CCDC3: variants seen among roughly 807,000 people sequenced by gnomAD.
The protein encoded by CCDC3 is coiled-coil domain-containing protein 3.
Under a neutral mutation model 21.4 loss-of-function variants are expected in CCDC3, and 24 were observed. The ratio of observed to expected loss-of-function variants is 1.12; its 90% CI spans 0.81 to 1.58. The LOEUF is 1.58. Among genes scored for constraint, CCDC3 ranks in the 40% most tolerant of loss-of-function variants. The probability of loss-of-function intolerance (pLI) is 0.00; values close to 1 mark genes in which losing one functional copy is unlikely to be tolerated. For missense variants in CCDC3, 425 were observed against 360.9 expected, an observed-to-expected ratio of 1.18 and a Z score of -1.44; for synonymous variants, 186 against 166.0, an observed-to-expected ratio of 1.12 and a Z score of -0.93.
At chr10:12,971,988 G>C (rs1031041493) in intron 2 of CCDC3, among the ~76,000 whole-genome samples, 11 of 151,862 alleles carry the variant, frequency 7.2e-5, no homozygotes, top group Non-Finnish European at 1.3e-4. Context: ...TGCCCAGCCC[G>C]AAGTTTTTGT....
At position 13,045,135 on chromosome 10, in the gene CCDC3, A is replaced by G. The variant is rs540522613; in HGVS notation, c.-2+4539T>C. On this transcript the variant is annotated intron_variant, in intron 5 of 6. Transcript: ENST00000378839. ...TGTATTTCCATTCTACTTTCCCTACATTATATTATGTTAATGTGATATATT... is the reference window on the plus strand; with the variant it reads ...TGTATTTCCATTCTACTTTCCCTACGTTATATTATGTTAATGTGATATATT... 6.9e-4 allele frequency among the ~76,000 whole-genome samples: 105 copies of G among 152,294 alleles called. 1 individual carries two copies. The highest frequency in any genetic ancestry group is 2.2e-3 in the African/African-American group (93 of 41,560).
intron 2 of CCDC3, among the ~76,000 whole-genome samples, chr10:12,946,399 T>A (rs537078096): frequency 1.3e-5 from 2 of 152,234 alleles, no homozygotes; most frequent in Non-Finnish European, 2.9e-5. Flanking sequence ...TTTATTAGTA[T>A]GTAAACAAAC....
intron 4 of CCDC3, among the ~76,000 whole-genome samples, chr10:13,070,244 C>T (rs1056973854): frequency 6.6e-6 from 1 of 152,196 alleles, no homozygotes; most frequent in East Asian, 1.9e-4. Flanking sequence ...ATATTTGTCT[C>T]TGTCTCTCTG....
chr10:12,972,175 C>T (rs1835353357), intron 2 of CCDC3, among the ~76,000 whole-genome samples: 1 of 152,122 alleles, frequency 6.6e-6, no homozygotes, highest in South Asian at 2.1e-4. Flanking sequence ...CACGCACCCA[C>T]ACATGCCCTT....
intron 2 of CCDC3, among the ~76,000 whole-genome samples, chr10:12,984,135 G>C (rs1835550925): frequency 6.6e-6 from 1 of 152,138 alleles, no homozygotes; most frequent in African/African-American, 2.4e-5. Flanking sequence ...CACAATGGGA[G>C]AAAATGTGTA....
At chr10:12,942,615 C>T (rs1834850338) in intron 2 of CCDC3, among the ~76,000 whole-genome samples, 1 of 152,196 alleles carries the variant, frequency 6.6e-6, no homozygotes, top group Admixed American at 6.5e-5. Context: ...CAACATGGCA[C>T]CGGCCAGGTA....
intron 3 of CCDC3, among the ~76,000 whole-genome samples, chr10:13,094,566 T>A (rs1832610661): frequency 6.6e-6 from 1 of 152,010 alleles, no homozygotes; most frequent in African/African-American, 2.4e-5. Flanking sequence ...ATTTCAAGAT[T>A]TTTAAACATG....
chr10:13,067,932 G>C (rs1299757598), intron 4 of CCDC3, among the ~76,000 whole-genome samples: 5 of 152,088 alleles, frequency 3.3e-5, no homozygotes, highest in Non-Finnish European at 7.4e-5. Flanking sequence ...TTGTTTGTTT[G>C]TTTGTTTTCT....
chr10:13,018,102 AAAT>A (rs1425992461), intron 5 of CCDC3, among the ~76,000 whole-genome samples: 2 of 152,000 alleles, frequency 1.3e-5, no homozygotes, highest in Non-Finnish European at 2.9e-5. Flanking sequence ...TGAAAAAAAA[AAAT>A]AATAATAAGC....
chr10:12,916,426 CAAAAAAA>C (rs71386129), intron 2 of CCDC3, among the ~76,000 whole-genome samples: 1 of 105,270 alleles, frequency 9.5e-6, no homozygotes, highest in Non-Finnish European at 1.9e-5. Flanking sequence ...GACTCCATCT[CAAAAAAA>C]AAAAAAAAAA....
At chr10:13,054,620 C>T (rs1033270579) in intron 4 of CCDC3, among the ~76,000 whole-genome samples, 1 of 152,080 alleles carries the variant, frequency 6.6e-6, no homozygotes, top group African/African-American at 2.4e-5. Flanking sequence ...AAAAGTTAAG[C>T]CCTGGAACCC....
At chr10:13,049,023 A>AGTTGTTCAT (rs1385167489) in intron 5 of CCDC3, among the ~76,000 whole-genome samples, 1 of 152,162 alleles carries the variant, frequency 6.6e-6, no homozygotes, top group African/African-American at 2.4e-5. Flanking sequence ...AGGCCTCCTA[A>AGTTGTTCAT]GTTGTTCATG....
intron 2 of CCDC3, among the ~76,000 whole-genome samples, chr10:12,910,310 A>T (rs1834247943): frequency 6.6e-6 from 1 of 152,198 alleles, no homozygotes; most frequent in South Asian, 2.1e-4. Flanking sequence ...TTTAAGGCAG[A>T]GATACTGATA....
chr10:13,089,695 T>C (rs925004275), intron 3 of CCDC3, among the ~76,000 whole-genome samples: 10 of 152,060 alleles, frequency 6.6e-5, no homozygotes, highest in Non-Finnish European at 1.2e-4. Flanking sequence ...TTTTTTTATT[T>C]CCAAAGGTTA....
At chr10:12,941,891 T>A (rs767557024) in intron 2 of CCDC3, among the ~76,000 whole-genome samples, 4 of 152,166 alleles carry the variant, frequency 2.6e-5, no homozygotes, top group African/African-American at 9.6e-5. Context: ...GCACCAGGAA[T>A]AGGAGGAGGA....
At chr10:12,963,710 A>G (rs557290502) in intron 2 of CCDC3, among the ~76,000 whole-genome samples, 5 of 150,712 alleles carry the variant, frequency 3.3e-5, no homozygotes, top group African/African-American at 1.2e-4. Context: ...CTCCCATGTA[A>G]CTGGGAATAC....
At chr10:13,055,255 C>T (rs1836666527) in intron 4 of CCDC3, among the ~76,000 whole-genome samples, 1 of 152,168 alleles carries the variant, frequency 6.6e-6, no homozygotes, top group East Asian at 1.9e-4. Context: ...ACTGGCACAG[C>T]ACCATTTCAG....
intron 3 of CCDC3, among the ~76,000 whole-genome samples, chr10:13,086,730 G>A (rs779701063): frequency 1.3e-5 from 2 of 152,204 alleles, no homozygotes; most frequent in Non-Finnish European, 2.9e-5. Context: ...ACAGGCATGA[G>A]CCCCCGCGCC....
intron 2 of CCDC3, among the ~76,000 whole-genome samples, chr10:12,994,503 G>A (rs1835730013): frequency 1.3e-5 from 2 of 151,930 alleles, no homozygotes; most frequent in Non-Finnish European, 2.9e-5. Flanking sequence ...TTGAAGATCG[G>A]CACATAATAC....
Sources: allele counts gnomAD v4.1 joint callset (sites outside exome capture counted in the v4.1 genomes callset), GRCh38; gene constraint gnomAD v4.1.1; transcripts MANE v1.5; gene names NCBI Gene and HGNC (gene_info 2026-07-23, HGNC 2026-07-21).